DSCAM: variants seen among roughly 807,000 people sequenced by gnomAD.
DSCAM encodes the protein cell adhesion molecule DSCAM.
DSCAM carries 47 observed loss-of-function variants against 217.7 expected under a neutral mutation model. The ratio of observed to expected loss-of-function variants is 0.22; its 90% CI spans 0.17 to 0.28. The LOEUF is 0.28. Ranked by LOEUF, DSCAM falls within the 10% of genes least tolerant of loss-of-function variation. DSCAM has a pLI of 1.00. For missense variants in DSCAM, 2,080 were observed against 2,618.3 expected (o/e 0.79, Z 4.49); for synonymous variants, 1,056 against 1,015.3 (o/e 1.04, Z -0.76).
intron 1 of DSCAM, among the ~76,000 whole-genome samples, chr21:40,800,715 C>CTTT (rs34391500): frequency 2.1e-4 from 27 of 131,070 alleles, no homozygotes; most frequent in Admixed American, 3.8e-4. Context: ...TTCTTACTTT[C>CTTT]TTTTTTTTTT....
chr21:40,400,273 CATT>C (rs1569104893), intron 3 of DSCAM, among the ~76,000 whole-genome samples: 2 of 152,020 alleles, frequency 1.3e-5, no homozygotes, highest in Non-Finnish European at 1.5e-5. Flanking sequence ...AACCCCATTA[CATT>C]ATTTAAAAAT....
chr21:40,729,771 A>C (rs549480695), intron 1 of DSCAM, among the ~76,000 whole-genome samples: 67 of 152,346 alleles, frequency 4.4e-4, no homozygotes, highest in African/African-American at 1.6e-3. Context: ...TGATTTTTAG[A>C]GTGGCTTCCT....
At chr21:40,025,966 G>A (rs1392446802) in intron 32 of DSCAM, among the ~76,000 whole-genome samples, 2 of 146,760 alleles carry the variant, frequency 1.4e-5, no homozygotes, top group African/African-American at 5.0e-5. Context: ...GTGATGTTAG[G>A]GTGTCAATTT....
intron 20 of DSCAM, among the ~76,000 whole-genome samples, chr21:40,103,882 C>T (rs2089784909): frequency 1.3e-5 from 2 of 150,926 alleles, no homozygotes; most frequent in Non-Finnish European, 1.5e-5. Context: ...TATACATAGA[C>T]TATTGGCTAC....
At chr21:40,496,364 C>T (rs539061718) in intron 3 of DSCAM, among the ~76,000 whole-genome samples, 211 of 152,146 alleles carry the variant, frequency 1.4e-3, no homozygotes, top group African/African-American at 4.8e-3. Flanking sequence ...AGCCCAGAAA[C>T]AAATCCACAC....
intron 3 of DSCAM, among the ~76,000 whole-genome samples, chr21:40,372,955 A>G (rs971363602): frequency 2.6e-5 from 4 of 152,108 alleles, no homozygotes; most frequent in South Asian, 4.1e-4. Context: ...GGATATTTCT[A>G]TGTAGGGACA....
rs77140036 is a variant in DSCAM at position 40,129,512 on chromosome 21, C to T, written c.3562+4342G>A. Among the ~76,000 whole-genome samples, 340 of 152,312 alleles carry T rather than the reference C, an allele frequency of 2.2e-3. 5 individuals carry two copies. The East Asian group carries it at 0.056, about 25-fold the overall frequency. On this transcript the variant is annotated intron_variant, in intron 19 of 32. Transcript: ENST00000400454. ...AGTCTCCCACTGGGCCTCTTGCTTA[C>T]CACTGGGCACTGCTGAGGCCCACCT...
chr21:40,029,429 T>G (rs935046239), intron 32 of DSCAM, among the ~76,000 whole-genome samples: 5 of 151,344 alleles, frequency 3.3e-5, no homozygotes, highest in African/African-American at 9.7e-5. Context: ...TGAGGTTGTT[T>G]TTTTTTTTTT....
rs1373947448 is a variant in DSCAM, at chr21:40,825,272, TC to T, written c.43+21346del. On this transcript the variant is annotated intron_variant, in intron 1 of 32. Coordinates refer to ENST00000400454, the MANE Select transcript of DSCAM (RefSeq NM_001389.5). Reference sequence around the variant, plus strand: ...TCAGTGAACATTTTCTTTCTTTCCTTCCTTCCTTCCTTCCTTCCTTCCTTCC... The same window carrying T: ...TCAGTGAACATTTTCTTTCTTTCCTTCTTCCTTCCTTCCTTCCTTCCTTCC... Among the ~76,000 whole-genome samples, 14 of 103,400 alleles carry T rather than the reference TC, an allele frequency of 1.4e-4. No individual in the cohort carries two copies. In the East Asian group the frequency reaches 3.8e-3, roughly 28 times the overall value. 67.8% of individuals were successfully genotyped at this position (103,400 alleles called of 152,430 possible).
intron 3 of DSCAM, among the ~76,000 whole-genome samples, chr21:40,463,079 T>C (rs1378789403): frequency 6.6e-6 from 1 of 152,152 alleles, no homozygotes; most frequent in Non-Finnish European, 1.5e-5. Flanking sequence ...AATTGCTTGA[T>C]TGGTCCACAT....
chr21:40,778,301 AATAAAT>A (rs2091507362), intron 1 of DSCAM, among the ~76,000 whole-genome samples: 1 of 152,214 alleles, frequency 6.6e-6, no homozygotes, highest in African/African-American at 2.4e-5. Context: ...GTTAAAAAAA[AATAAAT>A]ATATAGAAGT....
intron 3 of DSCAM, among the ~76,000 whole-genome samples, chr21:40,650,892 C>T (rs568243790): frequency 1.6e-3 from 236 of 152,030 alleles, no homozygotes; most frequent in Non-Finnish European, 3.0e-3. Context: ...CAAGCCTGGG[C>T]GACAGAGCAA....
At chr21:40,641,774 T>C (rs2089882003) in intron 3 of DSCAM, among the ~76,000 whole-genome samples, 1 of 152,074 alleles carries the variant, frequency 6.6e-6, no homozygotes, top group Admixed American at 6.6e-5. Flanking sequence ...ATTTCAAAGT[T>C]TACACTCATC....
intron 3 of DSCAM, among the ~76,000 whole-genome samples, chr21:40,687,764 C>T (rs2146440486): frequency 6.6e-6 from 1 of 152,328 alleles, no homozygotes; most frequent in East Asian, 1.9e-4. Context: ...GCTACAGCCT[C>T]AGGCCCTAAG....
At chr21:40,170,290 T>C (rs1160045701) in intron 15 of DSCAM, among the ~76,000 whole-genome samples, 2 of 152,208 alleles carry the variant, frequency 1.3e-5, no homozygotes, top group Admixed American at 1.3e-4. Context: ...TTTGCGTGTC[T>C]GTCTTTGCAT....
intron 3 of DSCAM, among the ~76,000 whole-genome samples, chr21:40,560,107 T>C (rs1439751033): frequency 6.6e-6 from 1 of 152,202 alleles, no homozygotes; most frequent in Admixed American, 6.5e-5. Context: ...TTCTGTCTTT[T>C]GAACTAAACA....
chr21:40,433,628 G>T (rs1161773053), intron 3 of DSCAM, among the ~76,000 whole-genome samples: 1 of 152,214 alleles, frequency 6.6e-6, no homozygotes, highest in Non-Finnish European at 1.5e-5. Context: ...TTCCAGTTTA[G>T]GGAAATGGCT....
chr21:40,505,915 G>T (rs1476346116), intron 3 of DSCAM, among the ~76,000 whole-genome samples: 4 of 152,158 alleles, frequency 2.6e-5, no homozygotes, highest in African/African-American at 9.7e-5. Flanking sequence ...TGTGTCTACA[G>T]GAGACAAGCA....
chr21:40,033,392 C>G (rs915035279), intron 32 of DSCAM, among the ~76,000 whole-genome samples: 8 of 152,184 alleles, frequency 5.3e-5, no homozygotes, highest in African/African-American at 1.9e-4. Flanking sequence ...GTTCCCTTTC[C>G]TAGTCAAAGA....
Sources: gnomAD v4.1 joint callset for allele counts (sites outside exome capture counted in the v4.1 genomes callset) on GRCh38, gnomAD v4.1.1 for gene constraint, MANE v1.5 for transcripts, NCBI Gene and HGNC (gene_info 2026-07-23, HGNC 2026-07-21) for gene names.